LRFN5: variants seen among roughly 807,000 people sequenced by gnomAD.
LRFN5 encodes the protein leucine-rich repeat and fibronectin type-III domain-containing protein 5.
Under a neutral mutation model 45.6 loss-of-function variants are expected in LRFN5, and 24 were observed. The observed-to-expected ratio is 0.53, with a 90% CI of 0.38 to 0.74. The LOEUF (loss-of-function observed/expected upper bound fraction) is 0.74. LRFN5 is among the 30% of genes least tolerant of loss of function. The pLI, the probability that LRFN5 is intolerant of heterozygous loss-of-function variation, is 0.00. For synonymous variants in LRFN5, 340 were observed against 313.8 expected, an observed-to-expected ratio of 1.08 and a Z score of -0.88; for missense variants, 776 against 861.5, an observed-to-expected ratio of 0.90 and a Z score of 1.24.
intron 2 of LRFN5, among the ~76,000 whole-genome samples, chr14:41,802,175 G>A (rs1449257340): frequency 6.6e-6 from 1 of 152,148 alleles, no homozygotes; most frequent in East Asian, 1.9e-4. Context: ...CAGTAAATAT[G>A]GATTTTACTT....
rs192520047 is a variant in LRFN5 at position 41,624,960 on chromosome 14, A to G, written c.-197+16398A>G. 7.9e-5 allele frequency among the ~76,000 whole-genome samples: 12 copies of G among 151,972 alleles called. No individual in the cohort carries two copies. The East Asian group carries it at 1.9e-3, about 25-fold the overall frequency. On this transcript the variant is annotated intron_variant, in intron 1 of 5. Transcript: ENST00000298119. Reference sequence around the variant, plus strand: ...AAAGAGTTGACTATTTCCAGATAAAATATCCTAATCATAGGCAATCAATTG... The same window carrying G: ...AAAGAGTTGACTATTTCCAGATAAAGTATCCTAATCATAGGCAATCAATTG...
chr14:41,748,178 G>C (rs1884995923), intron 1 of LRFN5, among the ~76,000 whole-genome samples: 1 of 152,024 alleles, frequency 6.6e-6, no homozygotes, highest in Non-Finnish European at 1.5e-5. Flanking sequence ...GGGTATAGAA[G>C]TGGAAAGAAT....
chr14:41,779,350 T>C lies in LRFN5; in HGVS notation c.-21+12321T>C, dbSNP rs1027359862. Among the ~76,000 whole-genome samples, 7 of 152,046 alleles carry C rather than the reference T, an allele frequency of 4.6e-5. No individual in the cohort carries two copies. In the East Asian group the frequency reaches 1.2e-3, roughly 25 times the overall value. On this transcript the variant is annotated intron_variant, in intron 2 of 5. Coordinates refer to ENST00000298119, the MANE Select transcript of LRFN5 (RefSeq NM_152447.5). ...CTGATTTCATCATGGTGTATAATTT[T>C]TCATCCATTGTTTGTTCAATTTGTT...
In LRFN5 at chr14:41,795,063, A is replaced by G. The variant is rs539503231; in HGVS notation, c.-21+28034A>G. Among the ~76,000 whole-genome samples, 111 of 152,150 alleles carry G rather than the reference A, an allele frequency of 7.3e-4. 1 individual carries two copies. Among genetic ancestry groups the G allele is most frequent in the Middle Eastern group, 3.4e-3 (1 of 292 alleles). ...ATATATTCTTATAAGTGGGCTGTAA[A>G]TGTTTGGCAGCTAAATAGGTTAAAA... is the stretch of plus-strand genomic sequence containing the variant. On this transcript the variant is annotated intron_variant, in intron 2 of 5. Coordinates refer to ENST00000298119, the MANE Select transcript of LRFN5 (RefSeq NM_152447.5).
At chr14:41,700,527 G>A (rs933497719) in intron 1 of LRFN5, 4 of 151,832 alleles carry the variant, frequency 2.6e-5, no homozygotes, top group African/African-American at 4.8e-5. Context: ...ATGATATGGG[G>A]TTTCACAATG....
At chr14:41,677,384 C>T (rs1386662891) in intron 1 of LRFN5, among the ~76,000 whole-genome samples, 1 of 152,134 alleles carries the variant, frequency 6.6e-6, no homozygotes, top group Non-Finnish European at 1.5e-5. Context: ...CACACATACA[C>T]ACACATCAGG....
At chr14:41,857,591 C>G (rs2139090121) in intron 2 of LRFN5, among the ~76,000 whole-genome samples, 1 of 152,242 alleles carries the variant, frequency 6.6e-6, no homozygotes, top group South Asian at 2.1e-4. Context: ...TTTGTTCGTT[C>G]ATTCTTAAGT....
intron 1 of LRFN5, among the ~76,000 whole-genome samples, chr14:41,646,964 G>A (rs1250367715): frequency 3.3e-5 from 5 of 152,212 alleles, no homozygotes; most frequent in Non-Finnish European, 5.9e-5. Flanking sequence ...AGTATTCAGA[G>A]AACAAGAGAG....
At chr14:41,620,649 A>G (rs1456688554) in intron 1 of LRFN5, among the ~76,000 whole-genome samples, 1 of 152,108 alleles carries the variant, frequency 6.6e-6, no homozygotes, top group African/African-American at 2.4e-5. Context: ...TATTGTTTAA[A>G]TAGCTATGTG....
intron 2 of LRFN5, among the ~76,000 whole-genome samples, chr14:41,767,385 T>G (rs533681359): frequency 4.6e-5 from 7 of 152,310 alleles, no homozygotes; most frequent in African/African-American, 1.7e-4. Context: ...CCAAATATTT[T>G]ATCAAATTTG....
intron 1 of LRFN5, among the ~76,000 whole-genome samples, chr14:41,728,077 G>A (rs73307206): frequency 0.015 from 2,334 of 152,136 alleles, 44 homozygotes; most frequent in African/African-American, 0.052. Flanking sequence ...GAAAATTCTG[G>A]TAATGATTTT....
intron 2 of LRFN5, among the ~76,000 whole-genome samples, chr14:41,788,292 G>C (rs563744957): frequency 2.4e-4 from 36 of 152,082 alleles, no homozygotes; most frequent in African/African-American, 7.7e-4. Context: ...CCATTATATG[G>C]AAGTTAATTC....
intron 4 of LRFN5, chr14:41,893,040 A>G: frequency 2.0e-6 from 2 of 985,014 alleles, no homozygotes; most frequent in Non-Finnish European, 2.4e-6. Flanking sequence ...AAGTCATAAA[A>G]GTCATTGCTC....
At chr14:41,808,276 A>G (rs1477802332) in intron 2 of LRFN5, among the ~76,000 whole-genome samples, 1 of 135,094 alleles carries the variant, frequency 7.4e-6, no homozygotes, top group African/African-American at 2.8e-5. Context: ...CTATGAGATT[A>G]CTTCTGGAAA....
intron 1 of LRFN5, among the ~76,000 whole-genome samples, chr14:41,733,863 T>C (rs60030517): frequency 2.0e-5 from 3 of 151,150 alleles, no homozygotes; most frequent in African/African-American, 7.3e-5. Context: ...ATTGATTTTT[T>C]ATCTACATAA....
rs1379859818 is a variant in LRFN5, at chr14:41,887,510, G to T, written c.885G>T (p.Glu295Asp). 1 of 1,614,202 alleles carries T rather than the reference G, an allele frequency of 6.2e-7. No individual in the cohort carries two copies. The highest frequency in any genetic ancestry group is 8.5e-7 in the Non-Finnish European group (1 of 1,180,030). The stretch of plus-strand genomic sequence containing the variant: ...CTCTCATTACTCGTCATACACATGA[G>T]ATGAGAGTCCTGGAGGGACAAAGGG... The part of the protein sequence containing the change: ...EPPLITRHTH[E>D]MRVLEGQRAT... Residue 295 changes from glutamate to aspartate, a missense_variant, in exon 3 of 6, where the codon GAG becomes GAT. Coordinates refer to ENST00000298119, the MANE Select transcript of LRFN5 (RefSeq NM_152447.5). The surrounding 1 kb of genome is among the most constrained non-coding windows in gnomAD (Gnocchi z 4.8).
intron 4 of LRFN5, 47 bp downstream of exon 4, chr14:41,892,009 G>A: frequency 1.3e-6 from 2 of 1,587,162 alleles, no homozygotes; most frequent in Non-Finnish European, 1.7e-6. Flanking sequence ...CAAGGCACAA[G>A]TACTCCCTCA....
intron 1 of LRFN5, among the ~76,000 whole-genome samples, chr14:41,761,484 A>C (rs1174908646): frequency 6.6e-6 from 1 of 152,180 alleles, no homozygotes; most frequent in Non-Finnish European, 1.5e-5. Context: ...TATTAGTGTG[A>C]CCATACTATC....
At chr14:41,689,926 AC>A (rs916583531) in intron 1 of LRFN5, among the ~76,000 whole-genome samples, 76 of 148,470 alleles carry the variant, frequency 5.1e-4, no homozygotes, top group African/African-American at 1.8e-3. Flanking sequence ...AAAATTACCC[AC>A]CAAAAAGGGC....
Sources: allele counts gnomAD v4.1 joint callset (sites outside exome capture counted in the v4.1 genomes callset), GRCh38; gene constraint gnomAD v4.1.1; non-coding constraint Gnocchi (gnomAD v3.1); transcripts MANE v1.5; gene names NCBI Gene and HGNC (gene_info 2026-07-23, HGNC 2026-07-21).